Variants in PRRC2B observed in about 807,000 individuals in gnomAD.
The protein encoded by PRRC2B is protein PRRC2B.
A neutral mutation model predicts 242.3 loss-of-function variants in PRRC2B; 68 were observed. That is an observed-to-expected ratio of 0.28 (90% confidence interval 0.23 to 0.34). The LOEUF is 0.34. Ranked by LOEUF, PRRC2B falls within the 10% of genes least tolerant of loss-of-function variation. PRRC2B has a pLI of 1.00. For missense variants in PRRC2B, 2,835 were observed against 2,954.8 expected, an observed-to-expected ratio of 0.96 and a Z score of 0.94; for synonymous variants, 1,228 against 1,173.6, an observed-to-expected ratio of 1.05 and a Z score of -0.95.
intron 8 of PRRC2B, 123 bp downstream of exon 8, chr9:131,447,329 C>T (rs1041529999): frequency 4.0e-6 from 5 of 1,243,266 alleles, no homozygotes; most frequent in Non-Finnish European, 5.5e-6. Context: ...TTAACCAGCT[C>T]AGCGTGGCAG....
At chr9:131,468,462 T>C (rs934567681) in intron 13 of PRRC2B, among the ~76,000 whole-genome samples, 1 of 152,228 alleles carries the variant, frequency 6.6e-6, no homozygotes, top group Admixed American at 6.5e-5. Context: ...ATTTTTATTT[T>C]TTTATAAATT....
chr9:131,473,182 A>G (rs549435164), intron 14 of PRRC2B, among the ~76,000 whole-genome samples: 13 of 152,096 alleles, frequency 8.5e-5, no homozygotes, highest in Non-Finnish European at 1.3e-4. Context: ...GTTTTAAACA[A>G]TGTCTCAGTT....
In PRRC2B at chr9:131,499,502, C is replaced by A. The variant is rs1430675598; in HGVS notation, c.*3628C>A. 5 of 152,254 alleles carry A rather than the reference C, an allele frequency of 3.3e-5. No individual in the cohort carries two copies. Among genetic ancestry groups the A allele is most frequent in the Non-Finnish European group, 5.9e-5 (4 of 68,054 alleles). 9.4% of individuals were successfully genotyped at this position (152,254 alleles called of 1,614,324 possible). A position where few individuals can be genotyped will look rare whatever the true frequency, so the allele number is the denominator to read the frequency against. The stretch of plus-strand genomic sequence containing the variant: ...TGTGATGAATGGGAAACGTAGGCTT[C>A]CAGAAAGCCAGCTCTCTTCTGAAAT... On this transcript the variant is annotated 3_prime_UTR_variant, in exon 32 of 32. Coordinates refer to ENST00000683519, the MANE Select transcript of PRRC2B (RefSeq NM_013318.4).
chr9:131,456,309 T>C (rs541655311), intron 10 of PRRC2B, among the ~76,000 whole-genome samples: 17 of 151,946 alleles, frequency 1.1e-4, no homozygotes, highest in African/African-American at 3.9e-4. Flanking sequence ...CCCTCTAGTT[T>C]TTATAATGTT....
At chr9:131,467,092 C>T (rs1213901706) in intron 12 of PRRC2B, among the ~76,000 whole-genome samples, 4 of 133,400 alleles carry the variant, frequency 3.0e-5, no homozygotes, top group African/African-American at 5.0e-5. Context: ...TGAGCCACCG[C>T]GCCTGTCATT....
intron 1 of PRRC2B, among the ~76,000 whole-genome samples, chr9:131,394,590 C>A (rs1297338645): frequency 4.0e-5 from 6 of 150,918 alleles, no homozygotes; most frequent in Admixed American, 4.0e-4. Flanking sequence ...CCCGTACCCC[C>A]GAGGCCGGGC....
intron 1 of PRRC2B, among the ~76,000 whole-genome samples, chr9:131,405,605 T>C (rs1837341161): frequency 6.6e-6 from 1 of 152,204 alleles, no homozygotes; most frequent in African/African-American, 2.4e-5. Flanking sequence ...TTGAAGTGAC[T>C]GCAGAAATGA....
intron 1 of PRRC2B, among the ~76,000 whole-genome samples, chr9:131,396,273 T>C (rs368624428): frequency 8.6e-5 from 13 of 150,722 alleles, no homozygotes; most frequent in African/African-American, 3.2e-4. Flanking sequence ...TCTCCCTCCC[T>C]CCCTTTCCCT....
At chr9:131,384,726 C>T (rs900721077) in intron 1 of PRRC2B, among the ~76,000 whole-genome samples, 2 of 150,862 alleles carry the variant, frequency 1.3e-5, no homozygotes, top group Non-Finnish European at 1.5e-5. Context: ...CTTAATTTTG[C>T]ACTTTTTTAG....
rs1431435900 is a variant in PRRC2B at position 131,496,632 on chromosome 9, G to GA, written c.*758_*759insA. ...AGCAGCAGGCAGGTTGGGGGAGGGG[G>GA]GGGGTCATAGTTGGGTTCCAGCTCC... On this transcript the variant is annotated 3_prime_UTR_variant, in exon 32 of 32. Transcript: ENST00000683519. The GA allele has an allele frequency of 6.6e-6, 1 of 150,904 alleles. No individual in the cohort carries two copies. The highest frequency in any genetic ancestry group is 1.5e-5 in the Non-Finnish European group (1 of 67,526). 9.3% of individuals were successfully genotyped at this position (150,904 alleles called of 1,614,324 possible).
chr9:131,406,051 C>T (rs1048114386), intron 1 of PRRC2B, among the ~76,000 whole-genome samples: 4 of 152,182 alleles, frequency 2.6e-5, no homozygotes, highest in African/African-American at 9.7e-5. Context: ...GCAGGCTCTC[C>T]ATAGACCGCA....
chr9:131,402,248 A>G (rs1327450026), intron 1 of PRRC2B, among the ~76,000 whole-genome samples: 1 of 152,226 alleles, frequency 6.6e-6, no homozygotes, highest in Non-Finnish European at 1.5e-5. Context: ...GTGTAATCCC[A>G]TGGTGGCAAT....
chr9:131,391,456 A>T (rs117882107), upstream of PRRC2B, among the ~76,000 whole-genome samples: 10 of 152,262 alleles, frequency 6.6e-5, 1 homozygote, highest in East Asian at 1.9e-3. Context: ...TCCAGGATTC[A>T]TCTCTGCATC....
Position 131,478,344 on chromosome 9 carries a change from A to G in PRRC2B, c.4613-130A>G, listed in dbSNP as rs1943763183. 6 of 893,402 alleles carry G rather than the reference A, an allele frequency of 6.7e-6. No homozygotes were observed. The East Asian group carries it at 1.5e-4, about 22-fold the overall frequency. The allele number at this position is 893,402 out of a possible 1,614,324, so 55.3% of individuals were successfully genotyped here. ...AATGTGTTAGATCAGAGGCGGCCTG[A>G]GAAAAGTGCGGAAGTCCTGTCCAGG... On this transcript the variant is annotated intron_variant, in intron 17 of 31. Transcript: ENST00000683519.
At chr9:131,480,839 A>G (rs1943839413) in intron 19 of PRRC2B, among the ~76,000 whole-genome samples, 1 of 152,036 alleles carries the variant, frequency 6.6e-6, no homozygotes, top group African/African-American at 2.4e-5. Flanking sequence ...AAAAATTTTT[A>G]GTAATACCCG....
chr9:131,393,042 A>T (rs898127719), upstream of PRRC2B, among the ~76,000 whole-genome samples: 6 of 152,170 alleles, frequency 3.9e-5, no homozygotes, highest in African/African-American at 1.4e-4. Context: ...CTCCCCAAAA[A>T]CTAAGCTTTG....
intron 3 of PRRC2B, among the ~76,000 whole-genome samples, chr9:131,435,750 G>A (rs1838343032): frequency 6.6e-6 from 1 of 152,106 alleles, no homozygotes; most frequent in South Asian, 2.1e-4. Context: ...AAAAGCAAAA[G>A]GAAGATCCGT....
Position 131,498,740 on chromosome 9 carries a change from C to CA in PRRC2B, c.*2867dup, listed in dbSNP as rs1414113479. The CA allele has an allele frequency of 6.6e-6, 1 of 152,206 alleles. No homozygotes were observed. The highest frequency in any genetic ancestry group is 2.4e-5 in the African/African-American group (1 of 41,446). 9.4% of individuals were successfully genotyped at this position (152,206 alleles called of 1,614,324 possible). On this transcript the variant is annotated 3_prime_UTR_variant, in exon 32 of 32. Transcript: ENST00000683519. ...AGGGATTGGGGGGTCAGAACCCACT[C>CA]ACTTTTGCCTGTTAAAGTTGCCCTC... is the stretch of plus-strand genomic sequence containing the variant.
intron 1 of PRRC2B, among the ~76,000 whole-genome samples, chr9:131,406,777 A>G (rs1238788962): frequency 6.6e-6 from 1 of 152,150 alleles, no homozygotes; most frequent in African/African-American, 2.4e-5. Flanking sequence ...AAAACAATGT[A>G]ACAGTTACAA....
Sources: allele counts gnomAD v4.1 joint callset (sites outside exome capture counted in the v4.1 genomes callset), GRCh38; gene constraint gnomAD v4.1.1; transcripts MANE v1.5; gene names NCBI Gene and HGNC (gene_info 2026-07-23, HGNC 2026-07-21).